The following SDK1 variants were observed in gnomAD, a reference collection of about 807,000 sequenced individuals.
SDK1 encodes sidekick cell adhesion molecule 1, also known as protein sidekick-1.
In SDK1, 157 loss-of-function variants were observed where a neutral mutation model predicts 245.5. The observed-to-expected ratio is 0.64, with a 90% CI of 0.56 to 0.73. SDK1 has a LOEUF of 0.73. Ranked by LOEUF, SDK1 falls within the 30% of genes least tolerant of loss-of-function variation. The pLI, the probability that SDK1 is intolerant of heterozygous loss-of-function variation, is 0.00. For synonymous variants in SDK1, 1,647 were observed against 1,278.5 expected, an observed-to-expected ratio of 1.29 and a Z score of -6.15; for missense variants, 3,583 against 3,002.3, an observed-to-expected ratio of 1.19 and a Z score of -4.52.
At chr7:4,184,242 C>G (rs1562403149) in intron 35 of SDK1, among the ~76,000 whole-genome samples, 1 of 152,340 alleles carries the variant, frequency 6.6e-6, no homozygotes, top group East Asian at 1.9e-4. Flanking sequence ...TGCTCAAAGG[C>G]TTTTATGAAA....
chr7:3,835,335 G>A (rs1780006504), intron 5 of SDK1, among the ~76,000 whole-genome samples: 1 of 152,244 alleles, frequency 6.6e-6, no homozygotes, highest in African/African-American at 2.4e-5. Flanking sequence ...CTGGTTGCGG[G>A]CGTCCCTCTT....
intron 4 of SDK1, among the ~76,000 whole-genome samples, chr7:3,647,926 G>A (rs1782900361): frequency 6.6e-6 from 1 of 152,112 alleles, no homozygotes; most frequent in South Asian, 2.1e-4. Context: ...TGATGAGGCA[G>A]AAAAAATATC....
Position 4,249,571 on chromosome 7 carries a change from G to A in SDK1, c.6381+3766G>A, listed in dbSNP as rs1354345607. 2.0e-5 allele frequency among the ~76,000 whole-genome samples: 3 copies of A among 152,306 alleles called. No homozygotes were observed. In the East Asian group the frequency reaches 5.8e-4, roughly 29 times the overall value. Reference sequence around the variant, plus strand: ...TTTGGGGGCCCAAGGCACCCCGGAAGTCTCTTACAGACCCCACCAGCTAGC... The same window carrying A: ...TTTGGGGGCCCAAGGCACCCCGGAAATCTCTTACAGACCCCACCAGCTAGC... On this transcript the variant is annotated intron_variant, in intron 44 of 44. Transcript: ENST00000404826.
At chr7:4,006,583 C>G (rs1785501769) in intron 14 of SDK1, among the ~76,000 whole-genome samples, 1 of 152,160 alleles carries the variant, frequency 6.6e-6, no homozygotes, top group African/African-American at 2.4e-5. Context: ...TGAGAATGAG[C>G]AAATCCTTCC....
chr7:3,988,178 C>A (rs1326863168), intron 14 of SDK1, among the ~76,000 whole-genome samples: 2 of 138,354 alleles, frequency 1.4e-5, no homozygotes, highest in Non-Finnish European at 3.1e-5. Context: ...TGCAGCCACC[C>A]AAATCTCTGC....
chr7:3,792,025 G>C (rs1781109652), intron 4 of SDK1, among the ~76,000 whole-genome samples: 1 of 152,100 alleles, frequency 6.6e-6, no homozygotes, highest in Non-Finnish European at 1.5e-5. Flanking sequence ...CTACTCAAGA[G>C]GCTGAGGCAT....
intron 1 of SDK1, among the ~76,000 whole-genome samples, chr7:3,467,027 CACAG>C (rs1337615124): frequency 1.6e-4 from 21 of 133,488 alleles, no homozygotes; most frequent in Admixed American, 6.6e-4. Flanking sequence ...CACACACACA[CACAG>C]AGATGTAAAA....
chr7:3,471,824 T>G (rs1476507491), intron 1 of SDK1, among the ~76,000 whole-genome samples: 2 of 152,206 alleles, frequency 1.3e-5, no homozygotes, highest in Admixed American at 1.3e-4. Context: ...TTATAGTAGT[T>G]TAAAACACTC....
intron 1 of SDK1, among the ~76,000 whole-genome samples, chr7:3,445,196 A>G (rs1225073692): frequency 6.6e-6 from 1 of 152,206 alleles, no homozygotes; most frequent in Non-Finnish European, 1.5e-5. Context: ...AGGTCAAACA[A>G]TATATTCTTT....
At chr7:3,764,757 T>C (rs1049028316) in intron 4 of SDK1, among the ~76,000 whole-genome samples, 8 of 152,138 alleles carry the variant, frequency 5.3e-5, no homozygotes, top group Non-Finnish European at 7.4e-5. Flanking sequence ...ATATTCTAGC[T>C]TTGATATAAA....
intron 44 of SDK1, among the ~76,000 whole-genome samples, chr7:4,263,547 C>T (rs62438361): frequency 1.2e-5 from 1 of 83,290 alleles, no homozygotes; most frequent in African/African-American, 5.6e-5. Flanking sequence ...TAGACGCCTC[C>T]TGAGTGGGGA....
chr7:3,690,776 C>T (rs1261319345), intron 4 of SDK1, among the ~76,000 whole-genome samples: 1 of 152,064 alleles, frequency 6.6e-6, no homozygotes, highest in African/African-American at 2.4e-5. Flanking sequence ...CAAAATAAAC[C>T]TTATATTAAT....
At chr7:4,125,040 A>AGATG (rs941702437) in intron 25 of SDK1, among the ~76,000 whole-genome samples, 1 of 143,146 alleles carries the variant, frequency 7.0e-6, no homozygotes, top group Non-Finnish European at 1.5e-5. Flanking sequence ...ATGAATGAAT[A>AGATG]GATGGATGGA....
intron 1 of SDK1, among the ~76,000 whole-genome samples, chr7:3,382,072 C>T (rs978888198): frequency 1.3e-5 from 2 of 152,114 alleles, no homozygotes; most frequent in African/African-American, 4.8e-5. Context: ...ACAAGAAAAA[C>T]CTATGCAGTA....
intron 4 of SDK1, among the ~76,000 whole-genome samples, chr7:3,725,595 A>T (rs956518016): frequency 6.6e-6 from 1 of 152,278 alleles, no homozygotes; most frequent in African/African-American, 2.4e-5. Flanking sequence ...TCTACTTTTT[A>T]ATATAAACCA....
At chr7:3,628,925 C>A (rs1200608433) in intron 2 of SDK1, among the ~76,000 whole-genome samples, 1 of 152,054 alleles carries the variant, frequency 6.6e-6, no homozygotes, top group African/African-American at 2.4e-5. Flanking sequence ...CCTAGAGGAC[C>A]TTCTGAGTTG....
At chr7:4,218,238 C>G (rs1249032366) in intron 38 of SDK1, among the ~76,000 whole-genome samples, 1 of 152,044 alleles carries the variant, frequency 6.6e-6, no homozygotes, top group Non-Finnish European at 1.5e-5. Flanking sequence ...ACTAAAAATA[C>G]AAAAATTAGC....
intron 1 of SDK1, among the ~76,000 whole-genome samples, chr7:3,610,522 G>A (rs1781554344): frequency 6.6e-6 from 1 of 152,216 alleles, no homozygotes; most frequent in Non-Finnish European, 1.5e-5. Context: ...TCAGTTTGGA[G>A]AAACGGGAAT....
Position 3,723,939 on chromosome 7 carries a change from TATATAGAG to T in SDK1, c.713+81836_713+81843del, listed in dbSNP as rs750578271. ...ATATATACACGTATATATATATATA[TATATAGAG>T]AGAGAGAGAGAGAGAGAGAGAGAGA... On this transcript the variant is annotated intron_variant, in intron 4 of 44. Coordinates refer to ENST00000404826, the MANE Select transcript of SDK1 (RefSeq NM_152744.4). Among the ~76,000 whole-genome samples, 737 of 116,714 alleles carry T rather than the reference TATATAGAG, an allele frequency of 6.3e-3. 46 individuals carry two copies. Among genetic ancestry groups the T allele is most frequent in the South Asian group, 0.012 (43 of 3,458 alleles). The allele number at this position is 116,714 out of a possible 152,430, so 76.6% of individuals were successfully genotyped here.
Sources: gnomAD v4.1 joint callset for allele counts (sites outside exome capture counted in the v4.1 genomes callset) on GRCh38, gnomAD v4.1.1 for gene constraint, MANE v1.5 for transcripts, NCBI Gene and HGNC (gene_info 2026-07-23, HGNC 2026-07-21) for gene names.